HECW2: variants seen among roughly 807,000 people sequenced by gnomAD.
HECW2 encodes the protein HECT, C2 and WW domain containing E3 ubiquitin protein ligase 2.
HECW2 carries 61 observed loss-of-function variants against 175.2 expected under a neutral mutation model. The ratio of observed to expected loss-of-function variants is 0.35; its 90% CI spans 0.28 to 0.43. The LOEUF is 0.43. HECW2 is among the 20% of genes least tolerant of loss of function. The pLI is 1.00. For synonymous variants in HECW2, 671 were observed against 731.0 expected, an observed-to-expected ratio of 0.92 and a Z score of 1.32; for missense variants, 1,524 against 2,000.5, an observed-to-expected ratio of 0.76 and a Z score of 4.54.
chr2:196,507,335 G>A (rs977190727), intron 1 of HECW2, among the ~76,000 whole-genome samples: 1 of 152,196 alleles, frequency 6.6e-6, no homozygotes, highest in Non-Finnish European at 1.5e-5. Context: ...AAAACAGGCT[G>A]TGGAGTGTTA....
chr2:196,307,353 C>T (rs190326006), intron 11 of HECW2, 120 bp from the exon 12 acceptor site: 22 of 587,686 alleles, frequency 3.7e-5, no homozygotes, highest in Middle Eastern at 2.7e-4. Context: ...TCCTCCAACC[C>T]CCATTCCCTG....
At chr2:196,217,331 T>A in intron 26 of HECW2, 1 of 405,336 alleles carries the variant, frequency 2.5e-6, no homozygotes, top group Non-Finnish European at 4.4e-6. Context: ...GGTCACTAAG[T>A]GAAACTAGTA....
intron 13 of HECW2, among the ~76,000 whole-genome samples, chr2:196,303,997 G>C (rs1453249351): frequency 6.6e-6 from 1 of 151,906 alleles, no homozygotes; most frequent in East Asian, 1.9e-4. Context: ...TTTTCACTTA[G>C]TCTCCCTGAT....
At chr2:196,533,378 A>G (rs1267649980) in intron 1 of HECW2, among the ~76,000 whole-genome samples, 1 of 152,180 alleles carries the variant, frequency 6.6e-6, no homozygotes, top group Non-Finnish European at 1.5e-5. Flanking sequence ...AGCCCCTTCC[A>G]TAACAGGAAG....
At chr2:196,477,159 A>AG (rs1197898907) in intron 1 of HECW2, among the ~76,000 whole-genome samples, 4 of 151,688 alleles carry the variant, frequency 2.6e-5, no homozygotes, top group African/African-American at 9.7e-5. Context: ...AAAAAAAAAA[A>AG]AAAATTAGAA....
At chr2:196,203,293 G>A (rs1686937049) in intron 28 of HECW2, among the ~76,000 whole-genome samples, 1 of 152,044 alleles carries the variant, frequency 6.6e-6, no homozygotes, top group African/African-American at 2.4e-5. Flanking sequence ...GATATCCTTA[G>A]ACTGGAACGC....
At chr2:196,478,067 A>G (rs1167967723) in intron 1 of HECW2, among the ~76,000 whole-genome samples, 1 of 152,056 alleles carries the variant, frequency 6.6e-6, no homozygotes, top group Non-Finnish European at 1.5e-5. Context: ...ACAAACAAAC[A>G]TCCAAAAAAC....
At chr2:196,260,857 T>C (rs1489826974) in intron 17 of HECW2, among the ~76,000 whole-genome samples, 2 of 152,236 alleles carry the variant, frequency 1.3e-5, no homozygotes, top group South Asian at 4.1e-4. Context: ...GAAATTTGCA[T>C]ACATAAGCTC....
chr2:196,521,417 T>C (rs910590418), intron 1 of HECW2, among the ~76,000 whole-genome samples: 1 of 151,898 alleles, frequency 6.6e-6, no homozygotes. Flanking sequence ...TTTCAGAAAC[T>C]TATATATGAA....
intron 3 of HECW2, among the ~76,000 whole-genome samples, chr2:196,339,050 AG>A (rs1219107117): frequency 6.6e-6 from 1 of 152,222 alleles, no homozygotes; most frequent in African/African-American, 2.4e-5. Flanking sequence ...ATATCCATGC[AG>A]ATGTGGCAGA....
At chr2:196,354,463 A>C (rs76314973) in intron 2 of HECW2, among the ~76,000 whole-genome samples, 3,601 of 152,358 alleles carry the variant, frequency 0.024, 135 homozygotes, top group African/African-American at 0.082. Flanking sequence ...ACTGGAGTGC[A>C]AGCCAACCAA....
At chr2:196,312,425 A>G (rs1039220992) in intron 10 of HECW2, among the ~76,000 whole-genome samples, 10 of 152,226 alleles carry the variant, frequency 6.6e-5, no homozygotes, top group African/African-American at 2.2e-4. Flanking sequence ...CTTTCAAGGA[A>G]AATTATAAGC....
At chr2:196,373,475 T>C (rs1693961345) in intron 2 of HECW2, among the ~76,000 whole-genome samples, 1 of 152,242 alleles carries the variant, frequency 6.6e-6, no homozygotes, top group Non-Finnish European at 1.5e-5. Context: ...ATGTCCTTCC[T>C]GGAACAAACT....
At chr2:196,221,296 A>G (rs369989167) in intron 24 of HECW2, among the ~76,000 whole-genome samples, 10 of 151,364 alleles carry the variant, frequency 6.6e-5, no homozygotes, top group African/African-American at 2.0e-4. Context: ...TCTAGCGTAA[A>G]GATTTACTTT....
In HECW2 at chr2:196,211,946, G is replaced by A. The variant is rs189181651; in HGVS notation, c.4607+3919C>T. On this transcript the variant is annotated intron_variant, in intron 28 of 28. Transcript: ENST00000644978. ...CAACCTCTGCCTCCTGGGTTCAAGC[G>A]ATTCTCCTGCCTCCCGAGTAGCTGG... Among the ~76,000 whole-genome samples the A allele has an allele frequency of 7.9e-3, 1,210 of 152,228 alleles. 19 individuals carry two copies. Among genetic ancestry groups the A allele is most frequent in the African/African-American group, 0.028 (1,148 of 41,526 alleles).
intron 1 of HECW2, among the ~76,000 whole-genome samples, chr2:196,510,847 A>G (rs1425749242): frequency 3.3e-5 from 5 of 152,138 alleles, no homozygotes. Context: ...CAGGATTATA[A>G]CCACAAGCAA....
intron 2 of HECW2, among the ~76,000 whole-genome samples, chr2:196,379,226 C>G (rs1438144214): frequency 2.0e-5 from 3 of 152,138 alleles, no homozygotes; most frequent in Non-Finnish European, 4.4e-5. Flanking sequence ...TTTTTATTTA[C>G]AGTTCAAAAA....
At chr2:196,482,685 G>T (rs771603315) in intron 1 of HECW2, among the ~76,000 whole-genome samples, 5 of 152,188 alleles carry the variant, frequency 3.3e-5, no homozygotes, top group Non-Finnish European at 7.4e-5. Context: ...GTCCTGGGAG[G>T]CAAGGAGGTG....
Position 196,357,194 on chromosome 2 carries a change from C to CTCACATAACTCACATAA in HECW2, c.293-13431_293-13430insTTATGTGAGTTATGTGA, listed in dbSNP as rs1275015188. ...CAACGACCAAGCATGGGAGCCATAA[C>CTCACATAACTCACATAA]CTGGACATGACTCACCTCCTTCTCC... On this transcript the variant is annotated intron_variant, in intron 2 of 28. Coordinates refer to ENST00000644978, the MANE Select transcript of HECW2 (RefSeq NM_001348768.2). Among the ~76,000 whole-genome samples the CTCACATAACTCACATAA allele has an allele frequency of 2.6e-5, 4 of 152,328 alleles. No individual in the cohort carries two copies. In the South Asian group the frequency reaches 6.2e-4, roughly 24 times the overall value.
Sources: gnomAD v4.1 joint callset for allele counts (sites outside exome capture counted in the v4.1 genomes callset) on GRCh38, gnomAD v4.1.1 for gene constraint, MANE v1.5 for transcripts, NCBI Gene and HGNC (gene_info 2026-07-23, HGNC 2026-07-21) for gene names.